The following SVOPL variants were observed in gnomAD, a reference collection of about 807,000 sequenced individuals.
SVOPL encodes SVOP like, also known as putative transporter SVOPL.
Under a neutral mutation model 61.0 loss-of-function variants are expected in SVOPL, and 60 were observed. That is an observed-to-expected ratio of 0.98 (90% CI 0.80 to 1.22). The LOEUF (loss-of-function observed/expected upper bound fraction) is 1.22. Among genes scored for constraint, SVOPL ranks in the 50% most tolerant of loss-of-function variants. The probability of loss-of-function intolerance (pLI) is 0.00; values close to 1 mark genes in which losing one functional copy is unlikely to be tolerated. For missense variants in SVOPL, 662 were observed against 643.9 expected (o/e 1.03, Z -0.30); for synonymous variants, 279 against 250.0 (o/e 1.12, Z -1.09).
At chr7:138,682,325 T>G (rs1802717364) in intron 1 of SVOPL, among the ~76,000 whole-genome samples, 1 of 152,166 alleles carries the variant, frequency 6.6e-6, no homozygotes, top group Non-Finnish European at 1.5e-5. Context: ...ACAGGCAGAT[T>G]GCATTGGGTC....
At chr7:138,663,223 G>A (rs1268738445) in intron 4 of SVOPL, 78 bp from the exon 5 acceptor site, 1 of 1,559,840 alleles carries the variant, frequency 6.4e-7, no homozygotes, top group South Asian at 1.2e-5. Context: ...ATTTTCACTA[G>A]AAGTAGGCTG....
intron 14 of SVOPL, among the ~76,000 whole-genome samples, chr7:138,597,462 G>A (rs1420678245): frequency 6.6e-6 from 1 of 152,070 alleles, no homozygotes. Flanking sequence ...TACCTCCTGT[G>A]TTTCAGGGCT....
intron 1 of SVOPL, among the ~76,000 whole-genome samples, chr7:138,687,659 A>T (rs1802849920): frequency 6.6e-6 from 1 of 151,308 alleles, no homozygotes; most frequent in African/African-American, 2.4e-5. Context: ...AAAAATTTAA[A>T]ACTTTTGTGC....
intron 4 of SVOPL, among the ~76,000 whole-genome samples, chr7:138,667,867 C>T (rs545631125): frequency 6.6e-6 from 1 of 152,188 alleles, no homozygotes; most frequent in Admixed American, 6.5e-5. Flanking sequence ...TTGGGAGTAA[C>T]TTACTTTATA....
intron 6 of SVOPL, among the ~76,000 whole-genome samples, chr7:138,656,910 CG>C (rs561235368): frequency 1.2e-3 from 180 of 152,068 alleles, no homozygotes; most frequent in Middle Eastern, 3.4e-3. Flanking sequence ...GGTGTGGTGG[CG>C]CATGCCTGTA....
chr7:138,681,618 G>C (rs1448210399), intron 1 of SVOPL, among the ~76,000 whole-genome samples: 1 of 152,132 alleles, frequency 6.6e-6, no homozygotes, highest in African/African-American at 2.4e-5. Context: ...GAGACCAAGA[G>C]TTTGAGACCA....
intron 9 of SVOPL, among the ~76,000 whole-genome samples, chr7:138,637,443 G>T (rs28522857): frequency 0.039 from 4,926 of 126,246 alleles, 148 homozygotes; most frequent in Non-Finnish European, 0.05. Flanking sequence ...TATATATATA[G>T]ATAGATAGAT....
intron 14 of SVOPL, among the ~76,000 whole-genome samples, chr7:138,601,951 G>A (rs73731230): frequency 0.012 from 1,823 of 152,156 alleles, 28 homozygotes; most frequent in African/African-American, 0.04. Context: ...TCCCTTGTCC[G>A]TTCTCCACTA....
chr7:138,646,262 C>A, intron 8 of SVOPL: 1 of 166,456 alleles, frequency 6.0e-6, no homozygotes, highest in South Asian at 1.5e-4. Flanking sequence ...CAGCAAGCTG[C>A]GTAGCATCAT....
Position 138,594,313 on chromosome 7 carries a change from T to C in SVOPL, c.*297A>G, listed in dbSNP as rs2116716335. On this transcript the variant is annotated 3_prime_UTR_variant, in exon 16 of 16. Transcript: ENST00000674285. ...GTTTAAAATTTAGTATTTATTCATATAAAGGTTTACAGACTTGATTTCAAT... is the reference window on the plus strand; with the variant it reads ...GTTTAAAATTTAGTATTTATTCATACAAAGGTTTACAGACTTGATTTCAAT... The C allele has an allele frequency of 4.5e-6, 1 of 224,486 alleles. No homozygotes were observed. Among genetic ancestry groups the C allele is most frequent in the Non-Finnish European group, 8.7e-6 (1 of 115,388 alleles). 13.9% of individuals were successfully genotyped at this position (224,486 alleles called of 1,614,324 possible).
intron 14 of SVOPL, among the ~76,000 whole-genome samples, chr7:138,611,898 C>T (rs544830598): frequency 1.4e-3 from 41 of 29,180 alleles, no homozygotes; most frequent in Admixed American, 2.5e-3. Flanking sequence ...GGAGGTGTGC[C>T]CAACAGCTCA....
intron 14 of SVOPL, among the ~76,000 whole-genome samples, chr7:138,613,316 G>A (rs1389319342): frequency 6.6e-6 from 1 of 152,066 alleles, no homozygotes; most frequent in Non-Finnish European, 1.5e-5. Flanking sequence ...CACCGTGACA[G>A]GCCAGAGTGA....
intron 1 of SVOPL, among the ~76,000 whole-genome samples, chr7:138,684,196 C>T (rs554918650): frequency 6.6e-6 from 1 of 151,866 alleles, no homozygotes; most frequent in East Asian, 1.9e-4. Context: ...GAAACCCCAT[C>T]TCTACTAAAA....
intron 14 of SVOPL, among the ~76,000 whole-genome samples, chr7:138,598,844 T>C (rs993521094): frequency 6.6e-6 from 1 of 152,100 alleles, no homozygotes; most frequent in Non-Finnish European, 1.5e-5. Context: ...ATTAAGTACA[T>C]TAAAAAATCT....
At chr7:138,671,051 A>G (rs73453843) in intron 4 of SVOPL, among the ~76,000 whole-genome samples, 20,301 of 152,188 alleles carry the variant, frequency 0.13, 1,830 homozygotes, top group African/African-American at 0.26. Flanking sequence ...GAAATGGCAA[A>G]CTGAAAAACT....
intron 14 of SVOPL, among the ~76,000 whole-genome samples, chr7:138,610,769 G>GC (rs1798964832): frequency 6.6e-6 from 1 of 152,156 alleles, no homozygotes; most frequent in East Asian, 1.9e-4. Flanking sequence ...CCCTTGAAGG[G>GC]CCTCCCTGAG....
At chr7:138,669,867 A>C (rs766913857) in intron 4 of SVOPL, among the ~76,000 whole-genome samples, 1 of 152,140 alleles carries the variant, frequency 6.6e-6, no homozygotes, top group Non-Finnish European at 1.5e-5. Context: ...TGATTTTTTT[A>C]GTAAACCTTT....
At chr7:138,661,763 T>G (rs1054687943) in intron 5 of SVOPL, 126 of 883,098 alleles carry the variant, frequency 1.4e-4, no homozygotes, top group Non-Finnish European at 1.7e-4. Flanking sequence ...AACCCACTTG[T>G]AACTGCTGCT....
intron 14 of SVOPL, among the ~76,000 whole-genome samples, chr7:138,611,876 C>T (rs1174753762): frequency 3.9e-5 from 3 of 77,682 alleles, no homozygotes; most frequent in African/African-American, 8.9e-5. Context: ...TGCCCGGCCG[C>T]CACCCCGTCT....
Sources: gnomAD v4.1 joint callset for allele counts (sites outside exome capture counted in the v4.1 genomes callset) on GRCh38, gnomAD v4.1.1 for gene constraint, MANE v1.5 for transcripts, NCBI Gene and HGNC (gene_info 2026-07-23, HGNC 2026-07-21) for gene names.